SMAP1: variants seen among roughly 807,000 people sequenced by gnomAD.
The protein encoded by SMAP1 is small ArfGAP 1, also known as stromal membrane-associated protein 1.
SMAP1 carries 24 observed loss-of-function variants against 58.5 expected under a neutral mutation model. That is an observed-to-expected ratio of 0.41 (90% CI 0.30 to 0.58). SMAP1 has a LOEUF of 0.58. Among genes scored for constraint, SMAP1 ranks in the 20% least tolerant of loss-of-function variants. The pLI, the probability that SMAP1 is intolerant of heterozygous loss-of-function variation, is 0.29. For missense variants in SMAP1, 563 were observed against 566.3 expected, an observed-to-expected ratio of 0.99 and a Z score of 0.06; for synonymous variants, 216 against 196.6, an observed-to-expected ratio of 1.10 and a Z score of -0.82.
intron 1 of SMAP1, among the ~76,000 whole-genome samples, chr6:70,676,605 G>C (rs1405406452): frequency 1.3e-5 from 2 of 152,186 alleles, no homozygotes; most frequent in African/African-American, 4.8e-5. Context: ...TGGGAAGACT[G>C]TCACCTTCGG....
At chr6:70,813,877 A>G (rs187555491) in intron 6 of SMAP1, among the ~76,000 whole-genome samples, 4 of 152,322 alleles carry the variant, frequency 2.6e-5, no homozygotes, top group East Asian at 1.9e-4. Flanking sequence ...CATTGCAGAC[A>G]TATACAATTT....
chr6:70,837,785 G>A, intron 7 of SMAP1: 1 of 1,225,310 alleles, frequency 8.2e-7, no homozygotes, highest in African/African-American at 1.6e-5. Flanking sequence ...TTTTAGTTTG[G>A]AGAAAGATTG....
rs533713613 is a variant in SMAP1, at chr6:70,775,441, A to G, written c.414+2016A>G. The stretch of plus-strand genomic sequence containing the variant: ...TGAGTTGGGTTTTTTCCCCCCTTCA[A>G]GGTGTAATAATGGTATGCTTAGTTG... On this transcript the variant is annotated intron_variant, in intron 4 of 10. Coordinates refer to ENST00000370455, the MANE Select transcript of SMAP1 (RefSeq NM_001044305.3). Among the ~76,000 whole-genome samples the G allele has an allele frequency of 2.0e-5, 3 of 152,236 alleles. No homozygotes were observed. In the South Asian group the frequency reaches 6.2e-4, roughly 32 times the overall value.
chr6:70,699,835 C>T (rs1242676021), intron 1 of SMAP1, among the ~76,000 whole-genome samples: 1 of 152,020 alleles, frequency 6.6e-6, no homozygotes, highest in Non-Finnish European at 1.5e-5. Flanking sequence ...CCAGAAATGC[C>T]ATCCAGGAGC....
intron 6 of SMAP1, 132 bp downstream of exon 6, chr6:70,798,869 C>T: frequency 1.4e-6 from 1 of 705,238 alleles, no homozygotes; most frequent in Non-Finnish European, 2.2e-6. Flanking sequence ...TGAGTGAATG[C>T]TGTGTGCTCA....
At chr6:70,719,857 C>T (rs1463423680) in intron 1 of SMAP1, among the ~76,000 whole-genome samples, 3 of 152,140 alleles carry the variant, frequency 2.0e-5, no homozygotes, top group Non-Finnish European at 4.4e-5. Context: ...CTCTGGGTCC[C>T]TCCTACAACA....
intron 7 of SMAP1, among the ~76,000 whole-genome samples, chr6:70,837,577 A>G (rs922472404): frequency 6.6e-6 from 1 of 151,952 alleles, no homozygotes; most frequent in Non-Finnish European, 1.5e-5. Context: ...GCTGAAAGGT[A>G]TATATTGTCT....
chr6:70,830,191 C>T (rs1255310380), intron 6 of SMAP1, among the ~76,000 whole-genome samples: 3 of 152,174 alleles, frequency 2.0e-5, no homozygotes, highest in Non-Finnish European at 2.9e-5. Flanking sequence ...GCATTCTTCA[C>T]TTATTAAAAG....
intron 6 of SMAP1, among the ~76,000 whole-genome samples, chr6:70,821,099 T>C (rs1450769025): frequency 6.6e-6 from 1 of 151,290 alleles, no homozygotes; most frequent in Non-Finnish European, 1.5e-5. Flanking sequence ...CAAGATGTCC[T>C]GTTTTTAAAG....
intron 1 of SMAP1, among the ~76,000 whole-genome samples, chr6:70,726,418 T>G (rs949338897): frequency 2.6e-5 from 4 of 152,218 alleles, no homozygotes; most frequent in Non-Finnish European, 5.9e-5. Flanking sequence ...AAAAGACAGA[T>G]AAAACAATTA....
intron 6 of SMAP1, among the ~76,000 whole-genome samples, chr6:70,815,295 G>A (rs1328794813): frequency 6.6e-6 from 1 of 152,110 alleles, no homozygotes; most frequent in Middle Eastern, 3.2e-3. Context: ...GAATGTAGTT[G>A]TATAAAATAC....
chr6:70,822,530 G>A (rs1296007659), intron 6 of SMAP1, among the ~76,000 whole-genome samples: 1 of 152,090 alleles, frequency 6.6e-6, no homozygotes, highest in Non-Finnish European at 1.5e-5. Flanking sequence ...TCCAAAAATA[G>A]GAATGGGAAG....
At chr6:70,745,532 T>C (rs1454243523) in intron 2 of SMAP1, among the ~76,000 whole-genome samples, 1 of 152,208 alleles carries the variant, frequency 6.6e-6, no homozygotes, top group Non-Finnish European at 1.5e-5. Flanking sequence ...CATTGGTCTA[T>C]CTCTCTGTTT....
intron 1 of SMAP1, among the ~76,000 whole-genome samples, chr6:70,718,270 T>A (rs962903382): frequency 5.3e-5 from 8 of 152,172 alleles, no homozygotes; most frequent in Non-Finnish European, 4.4e-5. Flanking sequence ...GAGGTCCAGC[T>A]GGGATGAGGG....
chr6:70,771,607 G>A (rs1767316800), intron 3 of SMAP1, among the ~76,000 whole-genome samples: 1 of 152,216 alleles, frequency 6.6e-6, no homozygotes, highest in African/African-American at 2.4e-5. Context: ...CGTCGGAAAA[G>A]CGCGGTGTTG....
At chr6:70,830,582 G>A (rs1397455000) in intron 6 of SMAP1, among the ~76,000 whole-genome samples, 3 of 152,126 alleles carry the variant, frequency 2.0e-5, no homozygotes, top group Non-Finnish European at 2.9e-5. Flanking sequence ...CATGTTTGTT[G>A]TTTAAGGTTT....
At chr6:70,837,925 T>C in intron 7 of SMAP1, 1 of 1,150,250 alleles carries the variant, frequency 8.7e-7, no homozygotes, top group Non-Finnish European at 1.1e-6. Flanking sequence ...GCTGAATGTT[T>C]TATTCATTTC....
At chr6:70,842,692 C>T (rs964964730) in intron 7 of SMAP1, among the ~76,000 whole-genome samples, 9 of 152,064 alleles carry the variant, frequency 5.9e-5, no homozygotes, top group Admixed American at 1.3e-4. Flanking sequence ...GAAGAGAAAT[C>T]GGGAGACACG....
At chr6:70,803,872 C>G (rs1486446055) in intron 6 of SMAP1, among the ~76,000 whole-genome samples, 1 of 152,152 alleles carries the variant, frequency 6.6e-6, no homozygotes, top group Non-Finnish European at 1.5e-5. Context: ...GTTGTGATTT[C>G]TGTTCTTTTA....
Sources: allele counts gnomAD v4.1 joint callset (sites outside exome capture counted in the v4.1 genomes callset), GRCh38; gene constraint gnomAD v4.1.1; transcripts MANE v1.5; gene names NCBI Gene and HGNC (gene_info 2026-07-23, HGNC 2026-07-21).